The following OR51B5 variants were observed in gnomAD, a reference collection of about 807,000 sequenced individuals.
The protein encoded by OR51B5 is olfactory receptor 51B5.
For synonymous variants in OR51B5, 186 were observed against 144.8 expected, an observed-to-expected ratio of 1.28 and a Z score of -2.04; for missense variants, 456 against 374.6, an observed-to-expected ratio of 1.22 and a Z score of -1.79.
chr11:5,465,379 T>C (rs1851124342), intron 1 of OR51B5, among the ~76,000 whole-genome samples: 2 of 151,910 alleles, frequency 1.3e-5, no homozygotes, highest in South Asian at 4.2e-4. Flanking sequence ...TTTTCATGTG[T>C]TTTTTGGCTG....
At chr11:5,463,069 G>T (rs1015224690) in intron 1 of OR51B5, among the ~76,000 whole-genome samples, 4 of 152,192 alleles carry the variant, frequency 2.6e-5, no homozygotes, top group South Asian at 4.2e-4. Context: ...AGGGGTAGGT[G>T]GGTGTGGTTT....
intron 1 of OR51B5, among the ~76,000 whole-genome samples, chr11:5,436,973 C>T (rs1192678037): frequency 6.6e-6 from 1 of 152,088 alleles, no homozygotes; most frequent in Non-Finnish European, 1.5e-5. Flanking sequence ...TATGCCTCTG[C>T]GGAATTGTTC....
intron 1 of OR51B5, among the ~76,000 whole-genome samples, chr11:5,384,800 C>G (rs1185068530): frequency 6.6e-6 from 1 of 152,206 alleles, no homozygotes; most frequent in Non-Finnish European, 1.5e-5. Flanking sequence ...TGTAACTTCC[C>G]CAGTATCCAG....
chr11:5,340,325 T>C (rs1848874767), downstream of OR51B5: 1 of 152,090 alleles, frequency 6.6e-6, no homozygotes, highest in African/African-American at 2.4e-5. Flanking sequence ...GAATCAGAGA[T>C]TTGAAGATTC....
At chr11:5,436,454 T>C (rs940593234) in intron 1 of OR51B5, among the ~76,000 whole-genome samples, 20 of 152,166 alleles carry the variant, frequency 1.3e-4, no homozygotes, top group African/African-American at 3.9e-4. Context: ...ACTCGCAAGG[T>C]GTCTCCTATT....
intron 1 of OR51B5, among the ~76,000 whole-genome samples, chr11:5,425,028 G>C (rs988202959): frequency 7.3e-6 from 1 of 136,550 alleles, no homozygotes; most frequent in South Asian, 2.3e-4. Context: ...AATACCAAAG[G>C]AATCTCTTTC....
chr11:5,440,548 C>T, intron 1 of OR51B5: 2 of 1,575,504 alleles, frequency 1.3e-6, no homozygotes, highest in South Asian at 2.2e-5. Context: ...TCCAAAGGAG[C>T]TTTTGGGGCC....
intron 1 of OR51B5, chr11:5,352,343 T>A (rs777296943): frequency 1.1e-5 from 17 of 1,613,798 alleles, no homozygotes; most frequent in Admixed American, 1.7e-5. Flanking sequence ...TACATCCACT[T>A]CCTTTTCCCA....
At chr11:5,435,083 G>A (rs1049423977) in intron 1 of OR51B5, among the ~76,000 whole-genome samples, 2 of 152,102 alleles carry the variant, frequency 1.3e-5, no homozygotes, top group African/African-American at 4.8e-5. Context: ...CATCTCAAAA[G>A]GCTATATATT....
In OR51B5 at chr11:5,370,928, T is replaced by C. The variant is rs114755145; in HGVS notation, n.85-24018A>G. 4.1e-3 allele frequency among the ~76,000 whole-genome samples: 631 copies of C among 152,318 alleles called. 7 individuals carry two copies. Among genetic ancestry groups the C allele is most frequent in the African/African-American group, 0.014 (594 of 41,572 alleles). On this transcript the variant is annotated intron_variant and non_coding_transcript_variant, in intron 1 of 4. Transcript: ENST00000415970. ...CAAAAGAAGTATTGCCATAGTGGTA[T>C]TGGTCCTGGAGCTCTGGTTCAATGA...
At chr11:5,457,318 T>C (rs1471922996) in intron 1 of OR51B5, among the ~76,000 whole-genome samples, 1 of 152,268 alleles carries the variant, frequency 6.6e-6, no homozygotes, top group African/African-American at 2.4e-5. Context: ...GATTTTGTTC[T>C]TTTTATGGCT....
At chr11:5,491,182 G>A (rs955148982) in intron 1 of OR51B5, among the ~76,000 whole-genome samples, 2 of 152,218 alleles carry the variant, frequency 1.3e-5, no homozygotes, top group African/African-American at 2.4e-5. Context: ...TCTACACAGT[G>A]TCTGGCACAC....
intron 1 of OR51B5, chr11:5,352,068 T>C (rs1313241101): frequency 1.9e-6 from 3 of 1,614,122 alleles, no homozygotes; most frequent in East Asian, 4.5e-5. Context: ...AGCTAGCCTG[T>C]GCTGACATCA....
intron 1 of OR51B5, among the ~76,000 whole-genome samples, chr11:5,412,961 G>A (rs562692758): frequency 2.0e-5 from 3 of 152,124 alleles, no homozygotes; most frequent in African/African-American, 7.2e-5. Context: ...GCATGCAGCT[G>A]GAGATCTGAG....
At chr11:5,341,875 T>G (rs552059775), downstream of OR51B5, among the ~76,000 whole-genome samples, 1 of 152,120 alleles carries the variant, frequency 6.6e-6, no homozygotes, top group Admixed American at 6.5e-5. Flanking sequence ...TAGAAGGAGG[T>G]ACTGACTGTG....
intron 1 of OR51B5, among the ~76,000 whole-genome samples, chr11:5,418,262 C>T (rs1340517078): frequency 1.3e-5 from 2 of 151,102 alleles, no homozygotes; most frequent in Admixed American, 1.3e-4. Context: ...TTGTGGGGTG[C>T]GGGGAGGGGG....
chr11:5,340,409 T>C (rs1447335280), downstream of OR51B5: 1 of 152,024 alleles, frequency 6.6e-6, no homozygotes, highest in Non-Finnish European at 1.5e-5. Flanking sequence ...ACTTGCCTGA[T>C]GAAAAACATT....
exon 1 of OR51B5, chr11:5,342,954 T>C (rs1476920196): frequency 6.2e-7 from 1 of 1,613,598 alleles, no homozygotes; most frequent in South Asian, 1.1e-5. Context: ...CGGTTGAAGG[T>C]GGTATCAGCA....
chr11:5,441,620 G>T, intron 1 of OR51B5: 2 of 840,232 alleles, frequency 2.4e-6, no homozygotes, highest in Non-Finnish European at 1.8e-6. Flanking sequence ...GATTGAAAAT[G>T]ATTGCCTGTA....
Sources: gnomAD v4.1 joint callset for allele counts (sites outside exome capture counted in the v4.1 genomes callset) on GRCh38, gnomAD v4.1.1 for gene constraint, MANE v1.5 for transcripts, NCBI Gene and HGNC (gene_info 2026-07-23, HGNC 2026-07-21) for gene names.